The following MAGI2 variants were observed in gnomAD, a reference collection of about 807,000 sequenced individuals.
MAGI2 encodes membrane associated guanylate kinase, WW and PDZ domain containing 2.
A neutral mutation model predicts 133.3 loss-of-function variants in MAGI2; 35 were observed. The ratio of observed to expected loss-of-function variants is 0.26; its 90% CI spans 0.20 to 0.35. The LOEUF (loss-of-function observed/expected upper bound fraction) is 0.35. MAGI2 is among the 10% of genes least tolerant of loss of function. The probability of loss-of-function intolerance (pLI) is 1.00; values close to 1 mark genes in which losing one functional copy is unlikely to be tolerated. For missense variants in MAGI2, 1,636 were observed against 1,863.4 expected (o/e 0.88, Z 2.25); for synonymous variants, 729 against 710.6 (o/e 1.03, Z -0.41).
intron 2 of MAGI2, among the ~76,000 whole-genome samples, chr7:78,939,266 T>C (rs528533390): frequency 6.6e-6 from 1 of 152,252 alleles, no homozygotes; most frequent in African/African-American, 2.4e-5. Context: ...AGTGCTGGGA[T>C]TACAGGTGTG....
intron 6 of MAGI2, among the ~76,000 whole-genome samples, chr7:78,466,196 T>C (rs758703822): frequency 8.5e-5 from 13 of 152,212 alleles, no homozygotes; most frequent in Non-Finnish European, 1.5e-4. Flanking sequence ...TCATACCTTA[T>C]TGAGCCCCTT....
chr7:79,323,591 G>A (rs60313821), intron 1 of MAGI2, among the ~76,000 whole-genome samples: 294 of 152,226 alleles, frequency 1.9e-3, no homozygotes, highest in African/African-American at 6.5e-3. Context: ...TTTATGAGCC[G>A]CATGGCAGAA....
At chr7:78,735,002 G>A (rs570629294) in intron 2 of MAGI2, among the ~76,000 whole-genome samples, 2 of 152,180 alleles carry the variant, frequency 1.3e-5, no homozygotes, top group African/African-American at 4.8e-5. Context: ...TTTCTGTGTC[G>A]AGTTTCGTTA....
chr7:78,431,774 T>G (rs1242129732), intron 6 of MAGI2, among the ~76,000 whole-genome samples: 2 of 152,084 alleles, frequency 1.3e-5, no homozygotes, highest in Non-Finnish European at 2.9e-5. Flanking sequence ...ATATACTCAC[T>G]TAAGTTCTTA....
intron 21 of MAGI2, among the ~76,000 whole-genome samples, chr7:78,063,052 C>A (rs566186416): frequency 6.6e-6 from 1 of 152,310 alleles, no homozygotes; most frequent in African/African-American, 2.4e-5. Flanking sequence ...CCAGCCCTCA[C>A]GTCATTTGCT....
intron 2 of MAGI2, among the ~76,000 whole-genome samples, chr7:78,767,180 C>T (rs2003119): frequency 0.42 from 64,287 of 151,740 alleles, 13,895 homozygotes; most frequent in Non-Finnish European, 0.47. Flanking sequence ...TCAATAGAGA[C>T]GGGTTTCACC....
chr7:78,290,365 A>G (rs112207230), intron 9 of MAGI2, among the ~76,000 whole-genome samples: 6 of 152,286 alleles, frequency 3.9e-5, no homozygotes, highest in African/African-American at 1.4e-4. Context: ...ATTACATAAT[A>G]GTAAAGGGAT....
chr7:78,164,928 T>C (rs1286490906), intron 15 of MAGI2, among the ~76,000 whole-genome samples: 1 of 152,100 alleles, frequency 6.6e-6, no homozygotes, highest in Admixed American at 6.6e-5. Context: ...GCCACTCTTC[T>C]CATATCCTTG....
At chr7:78,780,768 G>A (rs796499957) in intron 2 of MAGI2, among the ~76,000 whole-genome samples, 28 of 152,260 alleles carry the variant, frequency 1.8e-4, no homozygotes, top group African/African-American at 5.5e-4. Flanking sequence ...TTTCAGTACC[G>A]GGCCATTAGG....
intron 2 of MAGI2, among the ~76,000 whole-genome samples, chr7:78,779,861 G>A (rs1041315316): frequency 2.6e-5 from 4 of 152,142 alleles, no homozygotes; most frequent in African/African-American, 9.7e-5. Context: ...ATTTTAGAGA[G>A]GAAGAATTTT....
At chr7:78,112,039 C>T (rs1819414158) in intron 20 of MAGI2, among the ~76,000 whole-genome samples, 1 of 152,196 alleles carries the variant, frequency 6.6e-6, no homozygotes, top group South Asian at 2.1e-4. Flanking sequence ...TCTCTTCTCT[C>T]ATGCTTTTGA....
At chr7:78,658,280 A>G (rs545518854) in intron 2 of MAGI2, among the ~76,000 whole-genome samples, 1 of 121,740 alleles carries the variant, frequency 8.2e-6, no homozygotes, top group South Asian at 2.5e-4. Context: ...ATAGGCAAAA[A>G]GTGGTTTTTA....
chr7:78,294,954 T>G (rs527645254), intron 9 of MAGI2, among the ~76,000 whole-genome samples: 1 of 148,952 alleles, frequency 6.7e-6, no homozygotes, highest in East Asian at 1.9e-4. Context: ...CCATTTTCAG[T>G]TATTCTAACT....
At chr7:78,655,454 C>CAAAAAAAAAAAAAAAAAAAAAAAAACA in intron 2 of MAGI2, among the ~76,000 whole-genome samples, 6 of 64,948 alleles carry the variant, frequency 9.2e-5, no homozygotes, top group South Asian at 6.6e-4. Flanking sequence ...AAAAAACAAC[C>CAAAAAAAAAAAAAAAAAAAAAAAAACA]AAAAAAAAAA....
chr7:78,338,984 AAAAC>A lies in MAGI2; in HGVS notation c.1408+4790_1408+4793del, dbSNP rs3061239. On this transcript the variant is annotated intron_variant, in intron 9 of 21. Coordinates refer to ENST00000354212, the MANE Select transcript of MAGI2 (RefSeq NM_012301.4). The stretch of plus-strand genomic sequence containing the variant: ...ACATAGTGAGACCCCATCTCTTGAG[AAAAC>A]AAACAAACAAACAAACAAACAAACA... Among the ~76,000 whole-genome samples the A allele has an allele frequency of 9.9e-3, 1,488 of 150,244 alleles. 27 individuals are homozygous for A. Among genetic ancestry groups the A allele is most frequent in the African/African-American group, 0.033 (1,349 of 40,866 alleles).
intron 1 of MAGI2, among the ~76,000 whole-genome samples, chr7:79,331,765 T>C (rs1840086822): frequency 6.6e-6 from 1 of 152,122 alleles, no homozygotes; most frequent in Non-Finnish European, 1.5e-5. Context: ...GGTCATGTAG[T>C]AGTATAAAAG....
chr7:78,375,554 T>C (rs11768689), intron 6 of MAGI2, among the ~76,000 whole-genome samples: 123,925 of 151,746 alleles, frequency 0.82, 50,714 homozygotes, highest in Admixed American at 0.85. Flanking sequence ...TTCAACCCTA[T>C]ATTATTTTAT....
chr7:78,326,173 C>T (rs528127863), intron 9 of MAGI2, among the ~76,000 whole-genome samples: 6 of 152,202 alleles, frequency 3.9e-5, no homozygotes, highest in East Asian at 1.9e-4. Context: ...TTGTACCTGA[C>T]GTAGCCCCAG....
chr7:78,726,492 G>GA (rs1415807716), intron 2 of MAGI2, among the ~76,000 whole-genome samples: 1 of 152,008 alleles, frequency 6.6e-6, no homozygotes, highest in African/African-American at 2.4e-5. Flanking sequence ...AAGAGGTATG[G>GA]AAAAAAACAT....
Sources: gnomAD v4.1 joint callset for allele counts (sites outside exome capture counted in the v4.1 genomes callset) on GRCh38, gnomAD v4.1.1 for gene constraint, MANE v1.5 for transcripts, NCBI Gene and HGNC (gene_info 2026-07-23, HGNC 2026-07-21) for gene names.